Variants in CD44 observed in about 807,000 individuals in gnomAD.
CD44 encodes CD44 molecule (IN blood group).
In CD44, 49 loss-of-function variants were observed where a neutral mutation model predicts 88.8. That is an observed-to-expected ratio of 0.55 (90% confidence interval 0.44 to 0.70). CD44 has a LOEUF of 0.70. Among genes scored for constraint, CD44 ranks in the 30% least tolerant of loss-of-function variants. The pLI is 0.00. For missense variants in CD44, 883 were observed against 913.8 expected, an observed-to-expected ratio of 0.97 and a Z score of 0.43; for synonymous variants, 325 against 312.3, an observed-to-expected ratio of 1.04 and a Z score of -0.43.
chr11:35,212,202 G>C (rs1384036753), intron 14 of CD44, among the ~76,000 whole-genome samples: 2 of 151,994 alleles, frequency 1.3e-5, no homozygotes, highest in Non-Finnish European at 2.9e-5. Context: ...TGAAGAAAGG[G>C]GAAATGGAAA....
At chr11:35,219,789 G>A (rs770946310) in intron 16 of CD44, among the ~76,000 whole-genome samples, 4 of 152,152 alleles carry the variant, frequency 2.6e-5, no homozygotes, top group African/African-American at 4.8e-5. Flanking sequence ...TTCCTTTTAC[G>A]ATTACAGACA....
At chr11:35,203,363 G>T (rs1947494379) in intron 9 of CD44, among the ~76,000 whole-genome samples, 1 of 152,086 alleles carries the variant, frequency 6.6e-6, no homozygotes, top group Non-Finnish European at 1.5e-5. Flanking sequence ...TTTAAACTTT[G>T]AGTAACATAG....
In CD44 at chr11:35,214,837, G is replaced by T; in HGVS notation, c.1811-15G>T. On this transcript the variant is annotated splice_polypyrimidine_tract_variant and intron_variant, in intron 14 of 17. Transcript: ENST00000428726. ...GAAAACATGCAGTACTGACCTTCCTGATTGCTCATTACAGGAGACCAAGAC... is the reference window on the plus strand; with the variant it reads ...GAAAACATGCAGTACTGACCTTCCTTATTGCTCATTACAGGAGACCAAGAC... 1.3e-6 allele frequency: 2 copies of T among 1,501,380 alleles called. No homozygotes were observed. The highest frequency in any genetic ancestry group is 1.8e-6 in the Non-Finnish European group (2 of 1,116,888). The allele number at this position is 1,501,380 out of a possible 1,614,324, so 93.0% of individuals were successfully genotyped here.
intron 8 of CD44, 101 bp from the exon 9 acceptor site, chr11:35,201,570 T>C (rs1947319101): frequency 6.3e-6 from 9 of 1,437,842 alleles, no homozygotes; most frequent in African/African-American, 1.4e-5. Context: ...GGTAACACTT[T>C]GGCATAGAAT....
At chr11:35,214,514 G>A (rs1483419137) in intron 14 of CD44, among the ~76,000 whole-genome samples, 2 of 152,142 alleles carry the variant, frequency 1.3e-5, no homozygotes, top group African/African-American at 4.8e-5. Flanking sequence ...TACCTGCAAA[G>A]ATATCACAAT....
rs199718331 is a variant in CD44, at chr11:35,211,284, C to A, written c.1645C>A (p.His549Asn). Residue 549 changes from histidine (H) to asparagine (N), a missense_variant, in exon 14 of 18, where the codon CAT (histidine) becomes AAT (asparagine). This residue lies in a region of CD44 where 631 missense variants were observed against 590.9 expected (regional missense o/e 1.07). Coordinates refer to ENST00000428726, the MANE Select transcript of CD44 (RefSeq NM_000610.4). ...CACAGGTGGAAGAAGAGACCCAAAT[C>A]ATTCTGAAGGCTCAACTACTTTACT... is the stretch of plus-strand genomic sequence containing the variant. ...DVTGGRRDPN[H>N]SEGSTTLLEG... 2 of 1,613,936 alleles carry A rather than the reference C, an allele frequency of 1.2e-6. No individual in the cohort carries two copies. Among genetic ancestry groups the A allele is most frequent in the African/African-American group, 1.3e-5 (1 of 75,038 alleles).
intron 16 of CD44, among the ~76,000 whole-genome samples, chr11:35,220,203 AG>A (rs777598107): frequency 9.9e-5 from 15 of 152,262 alleles, no homozygotes; most frequent in Non-Finnish European, 2.1e-4. Flanking sequence ...AGACAGAGAC[AG>A]GGGTGGGCTG....
rs1230011124 is a variant in CD44, at chr11:35,196,874, G to C, written c.796G>C (p.Gly266Arg). The C allele has an allele frequency of 1.2e-6, 2 of 1,612,852 alleles. No homozygotes were observed. The highest frequency in any genetic ancestry group is 1.7e-4 in the Middle Eastern group (1 of 6,060). Residue 266 changes from glycine to arginine, a missense_variant and splice_region_variant, in exon 6 of 18, where the codon GGT becomes CGT. Transcript: ENST00000428726. The stretch of plus-strand genomic sequence containing the variant: ...TCTTCACACAACAACACAAATGGCT[G>C]GTAATGAGTTATTATTATCTCATAG... Reference protein sequence around the residue: ...NHLHTTTQMAGTSSNTISAGW... With the variant: ...NHLHTTTQMARTSSNTISAGW...
At chr11:35,154,974 C>T (rs186614465) in intron 1 of CD44, among the ~76,000 whole-genome samples, 2 of 152,232 alleles carry the variant, frequency 1.3e-5, no homozygotes, top group Admixed American at 6.5e-5. Context: ...TTTAGCACCC[C>T]TCATGTTCCT....
intron 1 of CD44, among the ~76,000 whole-genome samples, chr11:35,144,499 T>C (rs1356674180): frequency 6.6e-6 from 1 of 152,232 alleles, no homozygotes; most frequent in Non-Finnish European, 1.5e-5. Flanking sequence ...GGTTGATACC[T>C]TCTACCTTAA....
intron 1 of CD44, among the ~76,000 whole-genome samples, chr11:35,174,726 T>G (rs1195041365): frequency 6.6e-6 from 1 of 152,258 alleles, no homozygotes; most frequent in Non-Finnish European, 1.5e-5. Context: ...CCATTAACTC[T>G]GAGAGCAAAC....
In CD44 at chr11:35,211,312, A is replaced by G. The variant is rs1177408453; in HGVS notation, c.1673A>G (p.Glu558Gly). 1 of 1,613,916 alleles carries G rather than the reference A, an allele frequency of 6.2e-7. No individual in the cohort carries two copies. The highest frequency in any genetic ancestry group is 8.5e-7 in the Non-Finnish European group (1 of 1,179,942). The change falls in exon 14 of 18, where the codon GAA becomes GGA. Residue 558 changes from glutamate (E) to glycine (G), a missense_variant. Around this residue, in one of 2 missense-constraint regions of CD44, gnomAD observed 631 missense variants for 590.9 expected, o/e 1.07. Coordinates refer to ENST00000428726, the MANE Select transcript of CD44 (RefSeq NM_000610.4). ...TCTGAAGGCTCAACTACTTTACTGGAAGGTTATACCTCTCATTACCCACAC... is the reference window on the plus strand; with the variant it reads ...TCTGAAGGCTCAACTACTTTACTGGGAGGTTATACCTCTCATTACCCACAC... ...NHSEGSTTLLEGYTSHYPHTK... is the reference protein window; with the variant it reads ...NHSEGSTTLLGGYTSHYPHTK...
chr11:35,157,083 C>A, intron 1 of CD44, among the ~76,000 whole-genome samples: 1 of 152,194 alleles, frequency 6.6e-6, no homozygotes, highest in East Asian at 1.9e-4. Context: ...TGGTCCATAA[C>A]CTCTATCGAG....
chr11:35,196,599 T>A lies in CD44; in HGVS notation c.668-147T>A. On this transcript the variant is annotated intron_variant, in intron 5 of 17. Coordinates refer to ENST00000428726, the MANE Select transcript of CD44 (RefSeq NM_000610.4). ...TTTGAGTCTCTGAAAAAAATGGAAC[T>A]TTTTTGCTTTTTCCCTTTCTTTTCA... 4.8e-6 allele frequency: 4 copies of A among 828,854 alleles called. No individual in the cohort carries two copies. The South Asian group carries it at 8.5e-5, about 18-fold the overall frequency. The allele number at this position is 828,854 out of a possible 1,614,324, so 51.3% of individuals were successfully genotyped here.
intron 17 of CD44, among the ~76,000 whole-genome samples, chr11:35,228,619 C>T (rs780907364): frequency 1.3e-5 from 2 of 152,202 alleles, no homozygotes; most frequent in Non-Finnish European, 2.9e-5. Context: ...TTTGAATCCT[C>T]TTTCTTACTT....
chr11:35,201,772 C>T lies in CD44; in HGVS notation c.1138C>T (p.His380Tyr). ...HEHHEEEETPHSTSTIQATPS... is the reference protein window; with the variant it reads ...HEHHEEEETPYSTSTIQATPS... ...GCATCATGAGGAAGAAGAGACCCCA[C>T]ATTCTACAAGCACAAGTAAGCAAGA... Residue 380 changes from histidine to tyrosine, a missense_variant, in exon 9 of 18, where the codon CAT becomes TAT. His to Tyr is a moderately conservative substitution (Grantham distance 83). Coordinates refer to ENST00000428726, the MANE Select transcript of CD44 (RefSeq NM_000610.4). 6.2e-7 allele frequency: 1 copy of T among 1,613,738 alleles called. No individual in the cohort carries two copies. The highest frequency in any genetic ancestry group is 8.5e-7 in the Non-Finnish European group (1 of 1,179,694).
intron 9 of CD44, among the ~76,000 whole-genome samples, chr11:35,202,907 C>G (rs1385309679): frequency 1.3e-5 from 2 of 152,166 alleles, no homozygotes; most frequent in African/African-American, 4.8e-5. Flanking sequence ...AGAGCCCTAA[C>G]AGTATACCTT....
At chr11:35,193,296 T>A (rs775604079) in intron 5 of CD44, among the ~76,000 whole-genome samples, 2 of 152,222 alleles carry the variant, frequency 1.3e-5, no homozygotes, top group Non-Finnish European at 2.9e-5. Flanking sequence ...AGTTTATGAA[T>A]TTTTGTTGGG....
At chr11:35,201,992 G>T (rs547706401) in intron 9 of CD44, among the ~76,000 whole-genome samples, 1 of 152,266 alleles carries the variant, frequency 6.6e-6, no homozygotes, top group African/African-American at 2.4e-5. Flanking sequence ...GTTGCCCAAA[G>T]GCCAAAATGT....
Sources: gnomAD v4.1 joint callset for allele counts (sites outside exome capture counted in the v4.1 genomes callset) on GRCh38, gnomAD v4.1.1 for gene constraint, gnomAD v4.1.1 regional missense constraint, MANE v1.5 for transcripts, NCBI Gene and HGNC (gene_info 2026-07-23, HGNC 2026-07-21) for gene names.